Variants in NEK1 observed in about 807,000 individuals in gnomAD.
The protein encoded by NEK1 is serine/threonine-protein kinase Nek1.
Under a neutral mutation model 182.1 loss-of-function variants are expected in NEK1, and 137 were observed. That is an observed-to-expected ratio of 0.75 (90% CI 0.65 to 0.87). The LOEUF is 0.87. Among genes scored for constraint, NEK1 ranks in the 40% least tolerant of loss-of-function variants. NEK1 has a pLI of 0.00. For synonymous variants in NEK1, 513 were observed against 492.2 expected, an observed-to-expected ratio of 1.04 and a Z score of -0.56; for missense variants, 1,391 against 1,494.4, an observed-to-expected ratio of 0.93 and a Z score of 1.14.
chr4:169,509,320 T>A (rs1006251439), intron 19 of NEK1, among the ~76,000 whole-genome samples: 2 of 152,168 alleles, frequency 1.3e-5, no homozygotes, highest in Non-Finnish European at 2.9e-5. Flanking sequence ...AATCAAACTC[T>A]GTGCACTCAG....
chr4:169,433,106 C>G (rs901899239), intron 29 of NEK1, among the ~76,000 whole-genome samples: 2 of 152,180 alleles, frequency 1.3e-5, no homozygotes, highest in African/African-American at 4.8e-5. Context: ...GTAGCCCAGG[C>G]TGGAGTGCAG....
chr4:169,607,752 C>T (rs1445267132), intron 2 of NEK1, among the ~76,000 whole-genome samples: 5 of 152,136 alleles, frequency 3.3e-5, no homozygotes, highest in African/African-American at 1.2e-4. Context: ...TGTGAGCCAC[C>T]GCGCCTGGCC....
intron 31 of NEK1, among the ~76,000 whole-genome samples, chr4:169,420,939 C>T (rs575215017): frequency 1.3e-4 from 20 of 152,026 alleles, no homozygotes; most frequent in Non-Finnish European, 2.8e-4. Context: ...TTGTTAAAAA[C>T]AAGACTTGAC....
chr4:169,535,886 A>G lies in NEK1; in HGVS notation c.1665+1923T>C, dbSNP rs147181058. ...CAAGAGTTAAACTCCGTGTCAAAAA[A>G]AAAAAAAAAAGAAAAGAAAAAGAAA... On this transcript the variant is annotated intron_variant, in intron 19 of 35. Coordinates refer to ENST00000507142, the MANE Select transcript of NEK1 (RefSeq NM_001199397.3). 2.4e-3 allele frequency among the ~76,000 whole-genome samples: 366 copies of G among 151,680 alleles called. 3 individuals are homozygous for G. Among genetic ancestry groups the G allele is most frequent in the Admixed American group, 5.5e-3 (84 of 15,226 alleles).
chr4:169,408,981 G>A (rs1733138751), intron 31 of NEK1, among the ~76,000 whole-genome samples: 1 of 152,142 alleles, frequency 6.6e-6, no homozygotes, highest in South Asian at 2.1e-4. Flanking sequence ...CCTTTGGGTA[G>A]ATACCCAGTG....
intron 18 of NEK1, chr4:169,555,325 G>C (rs1385637080): frequency 4.9e-6 from 1 of 204,320 alleles, no homozygotes; most frequent in African/African-American, 2.4e-5. Context: ...AAAGAGAAAA[G>C]TAGGCTTTGA....
In NEK1 at chr4:169,508,860, T is replaced by C; in HGVS notation, c.1666-8A>G. On this transcript the variant is annotated splice_polypyrimidine_tract_variant and splice_region_variant and intron_variant, in intron 19 of 35. Coordinates refer to ENST00000507142, the MANE Select transcript of NEK1 (RefSeq NM_001199397.3). ...CAGGTTTTGCAGGATTCCCTGTTTATCATTTAATGTACTAAGTTTAAAGAA... is the reference window on the plus strand; with the variant it reads ...CAGGTTTTGCAGGATTCCCTGTTTACCATTTAATGTACTAAGTTTAAAGAA... The C allele has an allele frequency of 6.3e-7, 1 of 1,578,424 alleles. No homozygotes were observed. Among genetic ancestry groups the C allele is most frequent in the Non-Finnish European group, 8.6e-7 (1 of 1,167,838 alleles).
intron 16 of NEK1, among the ~76,000 whole-genome samples, chr4:169,556,962 T>C (rs1762255044): frequency 6.6e-6 from 1 of 152,206 alleles, no homozygotes; most frequent in South Asian, 2.1e-4. Context: ...GTATTAAGTT[T>C]GGCTATAAAA....
Position 169,562,119 on chromosome 4 carries a change from A to G in NEK1, c.1080+18T>C, listed in dbSNP as rs754004639. ...ATGTTTGCAAAGCTTTAAAATAACC[A>G]GACAGATGTCTTTATACCTCAGATA... On this transcript the variant is annotated intron_variant, in intron 13 of 35. Coordinates refer to ENST00000507142, the MANE Select transcript of NEK1 (RefSeq NM_001199397.3). 6 of 1,492,094 alleles carry G rather than the reference A, an allele frequency of 4.0e-6. No individual in the cohort carries two copies. The highest frequency in any genetic ancestry group is 2.6e-5 in the South Asian group (2 of 78,398). The allele number at this position is 1,492,094 out of a possible 1,614,324, so 92.4% of individuals were successfully genotyped here.
intron 2 of NEK1, among the ~76,000 whole-genome samples, chr4:169,603,775 G>A (rs7675011): frequency 0.013 from 1,954 of 147,524 alleles, 39 homozygotes; most frequent in African/African-American, 0.047. Flanking sequence ...ACACGATCTC[G>A]GCTCACTGCA....
At chr4:169,541,806 T>C (rs561871387) in intron 18 of NEK1, among the ~76,000 whole-genome samples, 1 of 152,146 alleles carries the variant, frequency 6.6e-6, no homozygotes, top group Non-Finnish European at 1.5e-5. Flanking sequence ...AAATAGCCCA[T>C]GACACACTGT....
intron 23 of NEK1, among the ~76,000 whole-genome samples, chr4:169,497,403 C>T (rs936941558): frequency 6.6e-6 from 1 of 152,070 alleles, no homozygotes; most frequent in African/African-American, 2.4e-5. Context: ...TCTCTATTTC[C>T]TTCAGTTCTG....
chr4:169,593,879 C>T (rs554601993), intron 5 of NEK1, among the ~76,000 whole-genome samples: 5 of 151,898 alleles, frequency 3.3e-5, no homozygotes, highest in African/African-American at 1.2e-4. Flanking sequence ...GTCCTAGCTA[C>T]GCGGGAGGCT....
intron 35 of NEK1, among the ~76,000 whole-genome samples, chr4:169,396,086 C>G (rs897566524): frequency 2.0e-5 from 3 of 152,004 alleles, no homozygotes; most frequent in Non-Finnish European, 2.9e-5. Context: ...TCTATAATGG[C>G]CAGGCATAGT....
chr4:169,550,243 G>A (rs1476954474), intron 18 of NEK1, among the ~76,000 whole-genome samples: 2 of 152,136 alleles, frequency 1.3e-5, no homozygotes, highest in Non-Finnish European at 2.9e-5. Context: ...CTTGTCTGCT[G>A]CAAGACATGA....
chr4:169,435,786 T>C (rs1398888588), intron 28 of NEK1, among the ~76,000 whole-genome samples: 1 of 152,186 alleles, frequency 6.6e-6, no homozygotes, highest in Non-Finnish European at 1.5e-5. Context: ...GACGTCATTT[T>C]GCGTCTTCCA....
At chr4:169,531,028 T>C (rs1437955467) in intron 19 of NEK1, among the ~76,000 whole-genome samples, 4 of 151,114 alleles carry the variant, frequency 2.6e-5, no homozygotes, top group Non-Finnish European at 4.4e-5. Context: ...CAGGATATTA[T>C]TTATAGTGAG....
intron 6 of NEK1, 106 bp downstream of exon 6, chr4:169,590,620 A>G: frequency 1.5e-6 from 1 of 652,264 alleles, no homozygotes; most frequent in Non-Finnish European, 2.7e-6. Flanking sequence ...GAGACAAGAC[A>G]GATAATCTGA....
At chr4:169,597,320 T>C (rs570977132) in intron 5 of NEK1, among the ~76,000 whole-genome samples, 2 of 152,300 alleles carry the variant, frequency 1.3e-5, no homozygotes, top group South Asian at 4.1e-4. Context: ...AACCCATGTC[T>C]GTGCCTGGCC....
Sources: gnomAD v4.1 joint callset for allele counts (sites outside exome capture counted in the v4.1 genomes callset) on GRCh38, gnomAD v4.1.1 for gene constraint, MANE v1.5 for transcripts, NCBI Gene and HGNC (gene_info 2026-07-23, HGNC 2026-07-21) for gene names.